Variants in PPP2R2B observed in about 807,000 individuals in gnomAD.
PPP2R2B encodes the protein serine/threonine-protein phosphatase 2A 55 kDa regulatory subunit B beta isoform.
A neutral mutation model predicts 46.0 loss-of-function variants in PPP2R2B; 5 were observed. The observed-to-expected ratio is 0.11, with a 90% confidence interval of 0.06 to 0.23. The LOEUF is 0.23. PPP2R2B is among the 10% of genes least tolerant of loss of function. The pLI, the probability that PPP2R2B is intolerant of heterozygous loss-of-function variation, is 1.00. For synonymous variants in PPP2R2B, 215 were observed against 206.7 expected, an observed-to-expected ratio of 1.04 and a Z score of -0.34; for missense variants, 367 against 575.0, an observed-to-expected ratio of 0.64 and a Z score of 3.70.
rs1475144131 is a variant in PPP2R2B, at chr5:146,581,114, G to A, written c.*8833C>T. 1 of 152,100 alleles carries A rather than the reference G, an allele frequency of 6.6e-6. No homozygotes were observed. Among genetic ancestry groups the A allele is most frequent in the Non-Finnish European group, 1.5e-5 (1 of 68,014 alleles). 9.4% of individuals were successfully genotyped at this position (152,100 alleles called of 1,614,324 possible). On this transcript the variant is annotated 3_prime_UTR_variant, in exon 10 of 10. Transcript: ENST00000394411. The stretch of plus-strand genomic sequence containing the variant: ...ACCTCTATTAGTCTGTTCTTGCATT[G>A]CTATAAAGAAAAACCCGAGACTGGG...
chr5:147,017,184 C>A (rs575518276), intron 1 of PPP2R2B, among the ~76,000 whole-genome samples: 1 of 151,642 alleles, frequency 6.6e-6, no homozygotes, highest in African/African-American at 2.4e-5. Context: ...GCGATGGAGT[C>A]AAAAACTGTG....
intron 1 of PPP2R2B, among the ~76,000 whole-genome samples, chr5:147,035,999 A>T (rs939074368): frequency 2.6e-5 from 4 of 152,152 alleles, no homozygotes; most frequent in African/African-American, 9.7e-5. Flanking sequence ...ATTATTTTTT[A>T]AAATTTCCAA....
intron 5 of PPP2R2B, among the ~76,000 whole-genome samples, chr5:146,659,873 G>A (rs1480107425): frequency 1.3e-5 from 2 of 152,178 alleles, no homozygotes; most frequent in Non-Finnish European, 2.9e-5. Flanking sequence ...CATTCTGAAA[G>A]ATTGCTTGGG....
At chr5:146,915,213 C>T (rs1430742438) in intron 1 of PPP2R2B, among the ~76,000 whole-genome samples, 1 of 152,126 alleles carries the variant, frequency 6.6e-6, no homozygotes, top group East Asian at 1.9e-4. Context: ...TTGCTGTACT[C>T]TGCCAAGTAG....
chr5:146,710,945 G>A (rs1487459178), intron 2 of PPP2R2B, among the ~76,000 whole-genome samples: 1 of 152,188 alleles, frequency 6.6e-6, no homozygotes, highest in Non-Finnish European at 1.5e-5. Context: ...CTTTGTGGAA[G>A]CTAAAATTCC....
At chr5:146,644,765 A>C (rs923630033) in intron 6 of PPP2R2B, among the ~76,000 whole-genome samples, 5 of 152,224 alleles carry the variant, frequency 3.3e-5, no homozygotes, top group African/African-American at 1.2e-4. Flanking sequence ...ATTATTAAAC[A>C]AGATAATGGA....
intron 1 of PPP2R2B, chr5:146,914,363 G>C (rs1181842815): frequency 2.6e-5 from 4 of 152,150 alleles, no homozygotes; most frequent in Non-Finnish European, 5.9e-5. Context: ...GGTCCTTTGG[G>C]AAGCAGTGGT....
At chr5:146,729,475 G>A (rs542375094) in intron 2 of PPP2R2B, among the ~76,000 whole-genome samples, 4 of 152,354 alleles carry the variant, frequency 2.6e-5, no homozygotes, top group South Asian at 4.1e-4. Flanking sequence ...GGAGCCTAAT[G>A]TTAATCCCCA....
intron 1 of PPP2R2B, among the ~76,000 whole-genome samples, chr5:147,007,278 T>C (rs1754483119): frequency 6.6e-6 from 1 of 152,136 alleles, no homozygotes. Flanking sequence ...GTGTCCTGTT[T>C]AGAGGGGGGA....
At chr5:146,815,935 ACTT>A (rs1047898612) in intron 2 of PPP2R2B, among the ~76,000 whole-genome samples, 34 of 152,040 alleles carry the variant, frequency 2.2e-4, no homozygotes, top group Non-Finnish European at 1.3e-4. Flanking sequence ...AAACAAATTG[ACTT>A]CTTTTCTGTT....
chr5:146,652,094 C>T lies in PPP2R2B; in HGVS notation c.448-1370G>A, dbSNP rs181053984. ...GAAAGGGAAGGAAAGTCTTTGTGGT[C>T]CCCCATCCCAATTACGGATAAGGGC... On this transcript the variant is annotated intron_variant, in intron 5 of 9. Transcript: ENST00000394411. 4.8e-3 allele frequency among the ~76,000 whole-genome samples: 726 copies of T among 152,192 alleles called. 3 individuals are homozygous for T. The highest frequency in any genetic ancestry group is 0.016 in the African/African-American group (682 of 41,520).
intron 7 of PPP2R2B, among the ~76,000 whole-genome samples, chr5:146,629,401 C>T (rs1402997824): frequency 2.0e-5 from 3 of 152,194 alleles, no homozygotes; most frequent in Admixed American, 2.0e-4. Flanking sequence ...CTCTTAGCCT[C>T]ACCTCCTAAG....
chr5:146,944,779 T>C (rs144459681), intron 1 of PPP2R2B, among the ~76,000 whole-genome samples: 1 of 152,146 alleles, frequency 6.6e-6, no homozygotes, highest in Non-Finnish European at 1.5e-5. Context: ...TTTAAAACAA[T>C]TTATTAAAGG....
At chr5:146,686,881 G>A (rs969988966) in intron 5 of PPP2R2B, among the ~76,000 whole-genome samples, 2 of 151,976 alleles carry the variant, frequency 1.3e-5, no homozygotes, top group Admixed American at 6.5e-5. Flanking sequence ...GAGCTCTAAG[G>A]GTCTGTTACT....
intron 7 of PPP2R2B, among the ~76,000 whole-genome samples, chr5:146,609,143 A>C (rs186637577): frequency 2.5e-4 from 38 of 152,392 alleles, no homozygotes; most frequent in African/African-American, 7.9e-4. Context: ...GTGATATGTC[A>C]TATCAACAGA....
chr5:146,940,548 A>G (rs1455840675), intron 1 of PPP2R2B, among the ~76,000 whole-genome samples: 1 of 150,500 alleles, frequency 6.6e-6, no homozygotes, highest in Non-Finnish European at 1.5e-5. Context: ...CCCAAGGAGA[A>G]CATATCTAAA....
chr5:146,693,795 A>G (rs1006026247), intron 4 of PPP2R2B, among the ~76,000 whole-genome samples: 5 of 152,230 alleles, frequency 3.3e-5, no homozygotes. Flanking sequence ...TCCGCAAATG[A>G]CAGCTTTTAT....
At chr5:146,982,643 A>C (rs530992826) in intron 1 of PPP2R2B, among the ~76,000 whole-genome samples, 1 of 152,332 alleles carries the variant, frequency 6.6e-6, no homozygotes, top group African/African-American at 2.4e-5. Flanking sequence ...CGAAGTCTCC[A>C]ACTATAATTA....
chr5:146,636,002 A>AT (rs1774796427), intron 7 of PPP2R2B, among the ~76,000 whole-genome samples: 1 of 152,144 alleles, frequency 6.6e-6, no homozygotes, highest in African/African-American at 2.4e-5. Context: ...GAAAATGTTC[A>AT]TTTTCCCCCT....
Sources: allele counts gnomAD v4.1 joint callset (sites outside exome capture counted in the v4.1 genomes callset), GRCh38; gene constraint gnomAD v4.1.1; transcripts MANE v1.5; gene names NCBI Gene and HGNC (gene_info 2026-07-23, HGNC 2026-07-21).